The following PRDM1 variants were observed in gnomAD, a reference collection of about 807,000 sequenced individuals.
PRDM1 encodes PR domain zinc finger protein 1.
In PRDM1, 13 loss-of-function variants were observed where a neutral mutation model predicts 62.8. That is an observed-to-expected ratio of 0.21 (90% confidence interval 0.13 to 0.33). The LOEUF is 0.33. Ranked by LOEUF, PRDM1 falls within the 10% of genes least tolerant of loss-of-function variation. The pLI is 1.00. For synonymous variants in PRDM1, 396 were observed against 417.6 expected (o/e 0.95, Z 0.63); for missense variants, 895 against 1,058.8 (o/e 0.85, Z 2.15).
intron 2 of PRDM1, among the ~76,000 whole-genome samples, chr6:106,092,411 G>A (rs1773990593): frequency 1.3e-5 from 2 of 152,214 alleles, no homozygotes; most frequent in South Asian, 4.1e-4. Context: ...GAAGCCGGGT[G>A]TCCTCTTGCT....
intron 1 of PRDM1, among the ~76,000 whole-genome samples, chr6:106,015,730 C>T (rs755444752): frequency 1.3e-5 from 2 of 151,964 alleles, no homozygotes; most frequent in African/African-American, 2.4e-5. Flanking sequence ...ATTCTTAAAT[C>T]CCATCTTATT....
At chr6:106,074,334 AC>A (rs1773567131) in intron 1 of PRDM1, among the ~76,000 whole-genome samples, 1 of 152,174 alleles carries the variant, frequency 6.6e-6, no homozygotes, top group Non-Finnish European at 1.5e-5. Flanking sequence ...GTAATTTCCC[AC>A]GTACCAAACA....
chr6:106,015,119 G>A (rs551121261), intron 1 of PRDM1, among the ~76,000 whole-genome samples: 16 of 152,298 alleles, frequency 1.1e-4, no homozygotes, highest in Non-Finnish European at 2.2e-4. Flanking sequence ...TGGGGAGGTT[G>A]CGTTTCTTCC....
intron 1 of PRDM1, among the ~76,000 whole-genome samples, chr6:106,041,673 C>A (rs900521106): frequency 1.3e-5 from 2 of 152,078 alleles, no homozygotes; most frequent in Non-Finnish European, 1.5e-5. Context: ...AACTGAACAT[C>A]CCCCCAGAAA....
chr6:106,107,885 A>G lies in PRDM1; in HGVS notation c.*399A>G, dbSNP rs1774549313. ...ACAATTTATCATTCAGAAAGCAATA[A>G]TTAAAAAAGTTTACAATGACTGGAA... On this transcript the variant is annotated 3_prime_UTR_variant, in exon 7 of 7. Transcript: ENST00000369096. 1 of 232,328 alleles carries G rather than the reference A, an allele frequency of 4.3e-6. No individual in the cohort carries two copies. The highest frequency in any genetic ancestry group is 5.6e-5 in the Admixed American group (1 of 17,744). 14.4% of individuals were successfully genotyped at this position (232,328 alleles called of 1,614,324 possible).
upstream of PRDM1, among the ~76,000 whole-genome samples, chr6:106,048,292 T>C (rs984588995): frequency 3.4e-5 from 5 of 145,438 alleles, no homozygotes; most frequent in African/African-American, 1.3e-4. Context: ...GTGGCTGAGG[T>C]GAGAGGATTG....
intron 4 of PRDM1, among the ~76,000 whole-genome samples, chr6:106,101,984 T>C (rs1774286969): frequency 6.6e-6 from 1 of 152,222 alleles, no homozygotes; most frequent in African/African-American, 2.4e-5. Flanking sequence ...GTATTTTTTT[T>C]CTATCTATCT....
At position 106,107,247 on chromosome 6, in the gene PRDM1, G is replaced by A. The variant is rs770948121; in HGVS notation, c.2239G>A (p.Asp747Asn). ...DNADRLEDVE[D>N]DISVISVVEK... ...TGCTGACCGGCTCGAGGACGTGGAG[G>A]ATGACATCAGTGTGATCTCTGTAGT... The change falls in exon 7 of 7, where the codon GAT (aspartate) becomes AAT (asparagine). Residue 747 changes from aspartate (D) to asparagine (N), a missense_variant. By Grantham distance (23) the Asp-to-Asn change is conservative. Coordinates refer to ENST00000369096, the MANE Select transcript of PRDM1 (RefSeq NM_001198.4). The A allele has an allele frequency of 3.1e-6, 5 of 1,614,106 alleles. No individual in the cohort carries two copies. In the African/African-American group the frequency reaches 6.7e-5, roughly 22 times the overall value.
At chr6:106,102,799 G>C (rs773241002) in intron 4 of PRDM1, among the ~76,000 whole-genome samples, 64 of 152,192 alleles carry the variant, frequency 4.2e-4, no homozygotes, top group African/African-American at 1.4e-3. Flanking sequence ...TCAAAGTCAT[G>C]AGGGTAAAGT....
chr6:106,068,600 C>T (rs1168634661), intron 1 of PRDM1, among the ~76,000 whole-genome samples: 2 of 152,202 alleles, frequency 1.3e-5, no homozygotes, highest in African/African-American at 4.8e-5. Flanking sequence ...TCTCCTTCTA[C>T]CATCCACAGT....
chr6:106,079,064 G>A (rs150408027), intron 1 of PRDM1, among the ~76,000 whole-genome samples: 11,303 of 151,844 alleles, frequency 0.074, 469 homozygotes, highest in African/African-American at 0.1. Flanking sequence ...GGGTTCAAGC[G>A]ATTCTCGTGT....
intron 1 of PRDM1, among the ~76,000 whole-genome samples, chr6:106,064,049 A>AT (rs1773389255): frequency 6.6e-6 from 1 of 152,192 alleles, no homozygotes; most frequent in Non-Finnish European, 1.5e-5. Flanking sequence ...GAGGAAGTAC[A>AT]TTTTTCATAG....
In PRDM1 at chr6:106,036,291, G is replaced by C. The variant is rs79296827; in HGVS notation, c.-67+42652G>C. On this transcript the variant is annotated intron_variant, in intron 1 of 6. Coordinates refer to the PRDM1 transcript ENST00000652320. ...AGCCTCCCAAGTAGCTGGGATTACA[G>C]ATGTGCACCACCATGCACGGCTAAC... 6.4e-3 allele frequency among the ~76,000 whole-genome samples: 973 copies of C among 152,022 alleles called. 7 individuals are homozygous for C. The highest frequency in any genetic ancestry group is 9.4e-3 in the Non-Finnish European group (638 of 67,994).
chr6:106,076,900 GA>G lies in PRDM1; in HGVS notation c.-66-11300del, dbSNP rs1313546048. ...GGGAGGAAGGCCCTAAGACTGGCAG[GA>G]GAAAATTTTAGGAAGAAGTCCAGTG... is the stretch of plus-strand genomic sequence containing the variant. On this transcript the variant is annotated intron_variant, in intron 1 of 6. Coordinates refer to the PRDM1 transcript ENST00000651185. Among the ~76,000 whole-genome samples, 5 of 152,352 alleles carry G rather than the reference GA, an allele frequency of 3.3e-5. No individual in the cohort carries two copies. The South Asian group carries it at 8.3e-4, about 25-fold the overall frequency.
chr6:106,103,641 A>T (rs568339969), intron 4 of PRDM1, among the ~76,000 whole-genome samples: 17 of 152,278 alleles, frequency 1.1e-4, no homozygotes, highest in South Asian at 2.1e-4. Context: ...TTTTTCCTGA[A>T]GGCATCATTT....
At chr6:106,075,926 A>G (rs1173064625) in intron 1 of PRDM1, among the ~76,000 whole-genome samples, 1 of 151,756 alleles carries the variant, frequency 6.6e-6, no homozygotes, top group African/African-American at 2.4e-5. Context: ...CCATAATAAA[A>G]ATCACTACAG....
upstream of PRDM1, among the ~76,000 whole-genome samples, chr6:106,085,214 G>A (rs991359656): frequency 2.2e-4 from 33 of 152,278 alleles, no homozygotes; most frequent in African/African-American, 7.7e-4. Context: ...GTGGGTGGAT[G>A]TGTGTGCACA....
chr6:106,104,205 G>GTTTTTTTTTTTTTTT (rs11317538), intron 4 of PRDM1, among the ~76,000 whole-genome samples: 1 of 141,844 alleles, frequency 7.1e-6, no homozygotes, highest in Non-Finnish European at 1.5e-5. Context: ...TAAAATGGAA[G>GTTTTTTTTTTTTTTT]TTTTTTTTTT....
At chr6:106,088,104 T>A in intron 1 of PRDM1, 97 bp from the exon 2 acceptor site, 2 of 1,440,118 alleles carry the variant, frequency 1.4e-6, no homozygotes, top group Non-Finnish European at 1.8e-6. Flanking sequence ...CATCTGCTTT[T>A]AAAGTCTTCA....
Sources: allele counts gnomAD v4.1 joint callset (sites outside exome capture counted in the v4.1 genomes callset), GRCh38; gene constraint gnomAD v4.1.1; transcripts MANE v1.5; gene names NCBI Gene and HGNC (gene_info 2026-07-23, HGNC 2026-07-21).